The following THSD7A variants were observed in gnomAD, a reference collection of about 807,000 sequenced individuals.
THSD7A encodes the protein thrombospondin type 1 domain containing 7A.
A neutral mutation model predicts 231.3 loss-of-function variants in THSD7A; 96 were observed. The observed-to-expected ratio is 0.41, with a 90% CI of 0.35 to 0.49. The LOEUF is 0.49. Ranked by LOEUF, THSD7A falls within the 20% of genes least tolerant of loss-of-function variation. The pLI, the probability that THSD7A is intolerant of heterozygous loss-of-function variation, is 0.05. For missense variants in THSD7A, 2,290 were observed against 2,070.2 expected, an observed-to-expected ratio of 1.11 and a Z score of -2.06; for synonymous variants, 940 against 743.3, an observed-to-expected ratio of 1.26 and a Z score of -4.30.
At chr7:11,678,449 G>A (rs1783731434) in intron 1 of THSD7A, among the ~76,000 whole-genome samples, 1 of 152,064 alleles carries the variant, frequency 6.6e-6, no homozygotes, top group Non-Finnish European at 1.5e-5. Flanking sequence ...TAGACCGCTA[G>A]CCTGAGAAAT....
At chr7:11,696,986 C>G (rs569350198) in intron 1 of THSD7A, among the ~76,000 whole-genome samples, 2 of 151,414 alleles carry the variant, frequency 1.3e-5, no homozygotes, top group East Asian at 3.9e-4. Flanking sequence ...TGGAGAATAT[C>G]AAACCTTTAA....
intron 2 of THSD7A, among the ~76,000 whole-genome samples, chr7:11,603,452 T>C (rs1372980236): frequency 1.3e-5 from 2 of 152,054 alleles, no homozygotes; most frequent in African/African-American, 4.8e-5. Context: ...AGTTCAACCA[T>C]TGTGGAAGTC....
intron 2 of THSD7A, among the ~76,000 whole-genome samples, chr7:11,619,781 A>G (rs1327936766): frequency 6.6e-6 from 1 of 152,182 alleles, no homozygotes. Context: ...AAATATAAAT[A>G]TCAAGTATTC....
chr7:11,448,047 C>T (rs902698862), intron 11 of THSD7A, among the ~76,000 whole-genome samples: 1 of 152,082 alleles, frequency 6.6e-6, no homozygotes, highest in Non-Finnish European at 1.5e-5. Context: ...TAAGCAATGT[C>T]AAAGTCCTCC....
At chr7:11,688,568 T>TGA (rs1310930910) in intron 1 of THSD7A, among the ~76,000 whole-genome samples, 3 of 151,778 alleles carry the variant, frequency 2.0e-5, no homozygotes, top group Non-Finnish European at 4.4e-5. Flanking sequence ...GTGACCTTTC[T>TGA]GAGAGAGAGA....
chr7:11,662,305 A>C (rs75102140), intron 1 of THSD7A, among the ~76,000 whole-genome samples: 6,725 of 151,298 alleles, frequency 0.044, 174 homozygotes, highest in East Asian at 0.13. Flanking sequence ...CATTTAATAC[A>C]GATTGGTAAG....
intron 6 of THSD7A, among the ~76,000 whole-genome samples, chr7:11,499,325 C>G (rs1053125831): frequency 1.6e-4 from 24 of 152,158 alleles, no homozygotes; most frequent in African/African-American, 5.5e-4. Context: ...CTCTGACTCT[C>G]AGGAGTCAAG....
At chr7:11,399,550 G>A (rs7793938) in intron 23 of THSD7A, among the ~76,000 whole-genome samples, 37,924 of 151,848 alleles carry the variant, frequency 0.25, 5,724 homozygotes, top group African/African-American at 0.42. Context: ...CAGTTGAGAC[G>A]CATGAAAAAA....
intron 1 of THSD7A, among the ~76,000 whole-genome samples, chr7:11,709,137 C>A (rs1780865133): frequency 6.6e-6 from 1 of 150,634 alleles, no homozygotes; most frequent in Admixed American, 6.6e-5. Context: ...CAAGACAAGG[C>A]TATCGAGTTT....
At chr7:11,825,449 C>T (rs992600267) in intron 1 of THSD7A, among the ~76,000 whole-genome samples, 3 of 152,046 alleles carry the variant, frequency 2.0e-5, no homozygotes, top group Non-Finnish European at 4.4e-5. Context: ...GTCTGGTTAA[C>T]TGTATCAATT....
rs564983288 is a variant in THSD7A, at chr7:11,723,842, A to G, written c.191-86881T>C. Reference sequence around the variant, plus strand: ...GAAGATTGGTAGAAAATAAATTCAGATAGTAAGTAACTGGGCCAGACCATA... The same window carrying G: ...GAAGATTGGTAGAAAATAAATTCAGGTAGTAAGTAACTGGGCCAGACCATA... On this transcript the variant is annotated intron_variant, in intron 1 of 27. Transcript: ENST00000423059. Among the ~76,000 whole-genome samples, 5 of 151,956 alleles carry G rather than the reference A, an allele frequency of 3.3e-5. No individual in the cohort carries two copies. The South Asian group carries it at 1.0e-3, about 31-fold the overall frequency.
chr7:11,377,492 G>T lies in THSD7A; in HGVS notation c.4802-835C>A, dbSNP rs1362622371. Among the ~76,000 whole-genome samples, 1 of 152,022 alleles carries T rather than the reference G, an allele frequency of 6.6e-6. No homozygotes were observed. The highest frequency in any genetic ancestry group is 2.4e-5 in the African/African-American group (1 of 41,414). On this transcript the variant is annotated intron_variant, in intron 26 of 27. Coordinates refer to ENST00000423059, the MANE Select transcript of THSD7A (RefSeq NM_015204.3). The surrounding 1 kb of genome is among the most constrained non-coding windows in gnomAD (Gnocchi z 4.5). ...TTAAAATTATAGATTGGGCAAAATT[G>T]ACCTCACACAGACTCTGGTTTATTC...
At chr7:11,731,781 T>C (rs1206900950) in intron 1 of THSD7A, among the ~76,000 whole-genome samples, 1 of 151,700 alleles carries the variant, frequency 6.6e-6, no homozygotes. Context: ...ATCTAATTTG[T>C]GTTTGTGGGA....
chr7:11,626,712 T>C (rs879648396), intron 2 of THSD7A, among the ~76,000 whole-genome samples: 4 of 152,016 alleles, frequency 2.6e-5, no homozygotes, highest in Non-Finnish European at 5.9e-5. Context: ...GGACAAAAGA[T>C]GACACTAAAT....
At chr7:11,706,516 G>A (rs1174274612) in intron 1 of THSD7A, among the ~76,000 whole-genome samples, 5 of 150,324 alleles carry the variant, frequency 3.3e-5, no homozygotes, top group Non-Finnish European at 6.0e-5. Context: ...GGCAAGACAC[G>A]TGTGTTTGTG....
intron 1 of THSD7A, among the ~76,000 whole-genome samples, chr7:11,695,030 A>C (rs919401660): frequency 2.6e-5 from 4 of 151,534 alleles, no homozygotes; most frequent in Non-Finnish European, 5.9e-5. Flanking sequence ...GCAGCCAGAT[A>C]TTATTCTTCA....
intron 16 of THSD7A, among the ~76,000 whole-genome samples, chr7:11,417,913 A>G (rs1784015602): frequency 6.6e-6 from 1 of 152,232 alleles, no homozygotes; most frequent in African/African-American, 2.4e-5. Context: ...TTCCTCTGAA[A>G]GAAGAGGGTC....
At chr7:11,381,462 T>C (rs1010010375) in intron 24 of THSD7A, among the ~76,000 whole-genome samples, 4 of 152,182 alleles carry the variant, frequency 2.6e-5, no homozygotes, top group African/African-American at 9.7e-5. Flanking sequence ...TAAAGATGGA[T>C]AGTTTTCAAA....
intron 1 of THSD7A, among the ~76,000 whole-genome samples, chr7:11,696,398 A>G (rs1780400817): frequency 6.6e-6 from 1 of 151,542 alleles, no homozygotes; most frequent in South Asian, 2.1e-4. Flanking sequence ...CTAATTCATT[A>G]TAAAGAACTC....
Sources: gnomAD v4.1 joint callset for allele counts (sites outside exome capture counted in the v4.1 genomes callset) on GRCh38, gnomAD v4.1.1 for gene constraint, Gnocchi (gnomAD v3.1) non-coding constraint, MANE v1.5 for transcripts, NCBI Gene and HGNC (gene_info 2026-07-23, HGNC 2026-07-21) for gene names.